SPRTN: variants seen among roughly 807,000 people sequenced by gnomAD.
SPRTN encodes DNA-dependent metalloprotease SPRTN.
A neutral mutation model predicts 31.9 loss-of-function variants in SPRTN; 11 were observed. The ratio of observed to expected loss-of-function variants is 0.34; its 90% CI spans 0.22 to 0.57. The LOEUF (loss-of-function observed/expected upper bound fraction) is 0.57. SPRTN is among the 20% of genes least tolerant of loss of function. SPRTN has a pLI of 0.86. For synonymous variants in SPRTN, 185 were observed against 212.1 expected (o/e 0.87, Z 1.11); for missense variants, 482 against 590.1 (o/e 0.82, Z 1.90).
At chr1:231,348,963 C>T (rs141925434) in intron 3 of SPRTN, among the ~76,000 whole-genome samples, 5 of 152,006 alleles carry the variant, frequency 3.3e-5, no homozygotes, top group Admixed American at 6.6e-5. Flanking sequence ...AGTGCTCAAC[C>T]GCCATGTTTT....
intron 2 of SPRTN, among the ~76,000 whole-genome samples, chr1:231,342,821 G>A (rs1032372716): frequency 3.3e-5 from 5 of 151,272 alleles, no homozygotes; most frequent in African/African-American, 1.2e-4. Context: ...TGCAAGCTCC[G>A]CCTCCCGGGT....
chr1:231,344,359 T>C (rs1251425346), intron 2 of SPRTN, among the ~76,000 whole-genome samples: 2 of 152,070 alleles, frequency 1.3e-5, no homozygotes, highest in African/African-American at 2.4e-5. Flanking sequence ...GAAAAAAAAT[T>C]AGCCAGGTGT....
chr1:231,349,944 G>A (rs116737819), intron 3 of SPRTN, among the ~76,000 whole-genome samples: 3,427 of 152,192 alleles, frequency 0.023, 44 homozygotes, highest in East Asian at 0.044. Context: ...CCTGGGAGGC[G>A]GAGGTTGCAG....
chr1:231,347,865 T>C lies in SPRTN; in HGVS notation c.390T>C (p.His130=), dbSNP rs761491064. Residue 130 remains histidine (H), a synonymous_variant, in exon 3 of 5, where the codon CAT becomes CAC. Transcript: ENST00000295050. Reference sequence around the variant, plus strand: ...ATAACGACAAAGACCGAGAAGGGCATGGTCCAGAATTTTGTAAACATATGC... The same window carrying C: ...ATAACGACAAAGACCGAGAAGGGCACGGTCCAGAATTTTGTAAACATATGC... The part of the protein sequence containing the change: ...VTNNDKDREG[H]GPEFCKHMHR... The C allele has an allele frequency of 1.9e-6, 3 of 1,614,064 alleles. No individual in the cohort carries two copies. Among genetic ancestry groups the C allele is most frequent in the Non-Finnish European group, 1.7e-6 (2 of 1,180,032 alleles).
chr1:231,341,096 TAAAG>T (rs1188520267), intron 2 of SPRTN, among the ~76,000 whole-genome samples: 2 of 151,724 alleles, frequency 1.3e-5, no homozygotes, highest in Non-Finnish European at 2.9e-5. Context: ...GCTCAGATGA[TAAAG>T]AGAAAGGTAG....
intron 2 of SPRTN, among the ~76,000 whole-genome samples, chr1:231,347,424 A>G (rs1020930171): frequency 2.6e-5 from 4 of 152,186 alleles, no homozygotes; most frequent in African/African-American, 7.2e-5. Flanking sequence ...CAGTGGCACA[A>G]TCACAGCTCA....
rs1017122344 is a variant in SPRTN at position 231,354,491 on chromosome 1, C to G, written c.*1130C>G. 3.5e-5 allele frequency: 23 copies of G among 649,162 alleles called. No individual in the cohort carries two copies. The highest frequency in any genetic ancestry group is 6.3e-5 in the Admixed American group (1 of 15,850). 40.2% of individuals were successfully genotyped at this position (649,162 alleles called of 1,614,324 possible). A position where few individuals can be genotyped will look rare whatever the true frequency, so the allele number is the denominator to read the frequency against. On this transcript the variant is annotated 3_prime_UTR_variant, in exon 5 of 5. Coordinates refer to ENST00000295050, the MANE Select transcript of SPRTN (RefSeq NM_032018.7). ...TCACCTGTGTAACTACCACCCGGAT[C>G]AAGTTAGAGAACACTTCCATTGCCA...
In SPRTN at chr1:231,351,294, C is replaced by G. The variant is rs767706205; in HGVS notation, c.451-10C>G. 1.1e-5 allele frequency: 16 copies of G among 1,518,204 alleles called. No homozygotes were observed. The Admixed American group carries it at 3.5e-4, about 33-fold the overall frequency. The allele number at this position is 1,518,204 out of a possible 1,614,324, so 94.0% of individuals were successfully genotyped here. On this transcript the variant is annotated splice_polypyrimidine_tract_variant and intron_variant, in intron 3 of 4. Transcript: ENST00000295050. ...GCTTATTGAATACTAAAAATTCTGTCTCCACTCAGGTATACCATACTTTTC... is the reference window on the plus strand; with the variant it reads ...GCTTATTGAATACTAAAAATTCTGTGTCCACTCAGGTATACCATACTTTTC...
chr1:231,354,427 C>G lies in SPRTN; in HGVS notation c.*1066C>G. 1.3e-5 allele frequency: 13 copies of G among 979,008 alleles called. No homozygotes were observed. The highest frequency in any genetic ancestry group is 1.6e-5 in the Non-Finnish European group (13 of 824,116). 60.6% of individuals were successfully genotyped at this position (979,008 alleles called of 1,614,324 possible). A position where few individuals can be genotyped will look rare whatever the true frequency, so the allele number is the denominator to read the frequency against. Reference sequence around the variant, plus strand: ...TTCACTTTGTTGTAATACAGGTGCACAAATCTTAAGTGCACAGCTGGGTAA... The same window carrying G: ...TTCACTTTGTTGTAATACAGGTGCAGAAATCTTAAGTGCACAGCTGGGTAA... On this transcript the variant is annotated 3_prime_UTR_variant, in exon 5 of 5. Coordinates refer to ENST00000295050, the MANE Select transcript of SPRTN (RefSeq NM_032018.7).
intron 1 of SPRTN, 117 bp downstream of exon 1, chr1:231,338,721 G>C (rs1686768253): frequency 8.0e-7 from 1 of 1,247,818 alleles, no homozygotes; most frequent in Non-Finnish European, 1.1e-6. Flanking sequence ...TAAATGAGGG[G>C]AGTCTGGTTT....
chr1:231,352,196 TTTAA>T (rs758731724), intron 4 of SPRTN: 313 of 990,912 alleles, frequency 3.2e-4, no homozygotes, highest in Non-Finnish European at 3.5e-4. Context: ...TTCCCAAATC[TTTAA>T]TTATTGAGTG....
At position 231,353,275 on chromosome 1, in the gene SPRTN, G is replaced by A; in HGVS notation, c.1384G>A (p.Glu462Lys). The stretch of plus-strand genomic sequence containing the variant: ...GGTTAATTGCCCAGTTTGTCAGAAT[G>A]AAGTTCTGGAGTCTCAGATTAATGA... Reference protein sequence around the residue: ...KMVNCPVCQNEVLESQINEHL... With the variant: ...KMVNCPVCQNKVLESQINEHL... The change falls in exon 5 of 5, where the codon GAA (glutamate) becomes AAA (lysine). Residue 462 changes from glutamate (E) to lysine (K), a missense_variant. By Grantham distance (56) the Glu-to-Lys change is moderately conservative (BLOSUM62 1). Coordinates refer to ENST00000295050, the MANE Select transcript of SPRTN (RefSeq NM_032018.7). The A allele has an allele frequency of 1.2e-6, 2 of 1,613,930 alleles. No individual in the cohort carries two copies. Among genetic ancestry groups the A allele is most frequent in the East Asian group, 2.2e-5 (1 of 44,878 alleles).
rs139004307 is a variant in SPRTN at position 231,349,208 on chromosome 1, G to A, written c.450+1283G>A. Among the ~76,000 whole-genome samples, 580 of 152,144 alleles carry A rather than the reference G, an allele frequency of 3.8e-3. 2 individuals carry two copies. Among genetic ancestry groups the A allele is most frequent in the Middle Eastern group, 6.8e-3 (2 of 294 alleles). On this transcript the variant is annotated intron_variant, in intron 3 of 4. Transcript: ENST00000295050. ...GCCCAGGCTGGTCTTGAACTCATGG[G>A]TTCAAGTGATCCTCCCATCTCAGCC...
At position 231,338,367 on chromosome 1, in the gene SPRTN, C is replaced by T. The variant is rs773164830; in HGVS notation, c.-17C>T. On this transcript the variant is annotated 5_prime_UTR_variant, in exon 1 of 5. Transcript: ENST00000295050. ...CCAGCCTGACGCCGGCGGACCCCGC[C>T]TGTGATCCTGGCAACGATGGATGAT... The T allele has an allele frequency of 6.8e-6, 11 of 1,612,578 alleles. No homozygotes were observed. Among genetic ancestry groups the T allele is most frequent in the South Asian group, 3.3e-5 (3 of 91,052 alleles).
At chr1:231,352,209 T>C in intron 4 of SPRTN, 1 of 992,444 alleles carries the variant, frequency 1.0e-6, no homozygotes, top group Non-Finnish European at 1.2e-6. Flanking sequence ...AATTATTGAG[T>C]GAAAGAGCTA....
At chr1:231,345,118 C>CTT (rs1687014018) in intron 2 of SPRTN, among the ~76,000 whole-genome samples, 1 of 150,844 alleles carries the variant, frequency 6.6e-6, no homozygotes, top group South Asian at 2.1e-4. Flanking sequence ...CTTTTCTTTT[C>CTT]TTTTCTTTCT....
At chr1:231,346,599 A>G (rs989216855) in intron 2 of SPRTN, among the ~76,000 whole-genome samples, 1 of 152,256 alleles carries the variant, frequency 6.6e-6, no homozygotes, top group South Asian at 2.1e-4. Context: ...AGAGTTATAC[A>G]TATATTTTTC....
At chr1:231,351,594 G>C (rs144340000) in intron 4 of SPRTN, 23 bp downstream of exon 4, 9 of 1,610,572 alleles carry the variant, frequency 5.6e-6, no homozygotes, top group Non-Finnish European at 6.8e-6. Context: ...ATATTCTTCT[G>C]ATTTTTATGT....
intron 2 of SPRTN, among the ~76,000 whole-genome samples, chr1:231,346,301 G>T (rs1200868776): frequency 6.9e-6 from 1 of 145,184 alleles, no homozygotes; most frequent in Non-Finnish European, 1.5e-5. Flanking sequence ...CAATTCCCCT[G>T]CCTCAGCCTC....
Sources: allele counts gnomAD v4.1 joint callset (sites outside exome capture counted in the v4.1 genomes callset), GRCh38; gene constraint gnomAD v4.1.1; transcripts MANE v1.5; gene names NCBI Gene and HGNC (gene_info 2026-07-23, HGNC 2026-07-21).